ERVFRD-1: variants seen among roughly 807,000 people sequenced by gnomAD.
ERVFRD-1 encodes the protein endogenous retrovirus group FRD member 1, envelope.
A neutral mutation model predicts 43.8 loss-of-function variants in ERVFRD-1; 33 were observed. The ratio of observed to expected loss-of-function variants is 0.75; its 90% CI spans 0.57 to 1.01. ERVFRD-1 has a LOEUF of 1.01. ERVFRD-1 is among the 50% of genes least tolerant of loss of function. ERVFRD-1 has a pLI of 0.00. For synonymous variants in ERVFRD-1, 239 were observed against 244.4 expected (o/e 0.98, Z 0.21); for missense variants, 568 against 658.4 (o/e 0.86, Z 1.50).
In ERVFRD-1 at chr6:11,102,748, G is replaced by C. The variant is rs918471173; in HGVS notation, c.*946C>G. 1 of 152,204 alleles carries C rather than the reference G, an allele frequency of 6.6e-6. No homozygotes were observed. Among genetic ancestry groups the C allele is most frequent in the Non-Finnish European group, 1.5e-5 (1 of 68,044 alleles). 9.4% of individuals were successfully genotyped at this position (152,204 alleles called of 1,614,324 possible). The stretch of plus-strand genomic sequence containing the variant: ...TGCTTGGTGCTGGAACCTAAATGGT[G>C]GAACTGTTACCAGCAGCAAATCCAA... On this transcript the variant is annotated 3_prime_UTR_variant, in exon 2 of 2. Coordinates refer to ENST00000472091, the MANE Select transcript of ERVFRD-1 (RefSeq NM_207582.3).
In ERVFRD-1 at chr6:11,104,886, C is replaced by T. The variant is rs1173102004; in HGVS notation, c.425G>A (p.Ser142Asn). ...KNGTNVGTLP[S>N]TVCNVTFTVD... ...AGTGAAAGTAACATTACAGACTGTA[C>T]TTGGAAGAGTGCCTACATTTGTTCC... Residue 142 changes from serine (S) to asparagine (N), a missense_variant, in exon 2 of 2, where the codon AGT (serine) becomes AAT (asparagine). By Grantham distance (46) the Ser-to-Asn change is conservative. Transcript: ENST00000472091. 9 of 1,614,178 alleles carry T rather than the reference C, an allele frequency of 5.6e-6. No homozygotes were observed. The highest frequency in any genetic ancestry group is 6.8e-6 in the Non-Finnish European group (8 of 1,180,040).
rs1219500607 is a variant in ERVFRD-1 at position 11,104,237 on chromosome 6, G to A, written c.1074C>T (p.Leu358=). 5.8e-6 allele frequency: 9 copies of A among 1,551,542 alleles called. No individual in the cohort carries two copies. The highest frequency in any genetic ancestry group is 2.0e-5 in the Admixed American group (1 of 50,972). Residue 358 remains leucine, a synonymous_variant, in exon 2 of 2, where the codon CTC becomes CTT. Coordinates refer to ENST00000472091, the MANE Select transcript of ERVFRD-1 (RefSeq NM_207582.3). ...TACCAGCTAGAATGCCGAGTCCCGC[G>A]AGAAGGGGAATGAAATGGATTGCCC... ...VRRAIHFIPL[L]AGLGILAGTG...
chr6:11,111,012 G>T (rs186092780), intron 1 of ERVFRD-1, among the ~76,000 whole-genome samples: 164 of 152,326 alleles, frequency 1.1e-3, no homozygotes, highest in Admixed American at 1.4e-3. Flanking sequence ...GGAGCTGACA[G>T]AGCTAAGGTT....
Position 11,103,709 on chromosome 6 carries a change from T to G in ERVFRD-1, c.1602A>C (p.Gln534His). 6.4e-7 allele frequency: 1 copy of G among 1,551,156 alleles called. No homozygotes were observed. Among genetic ancestry groups the G allele is most frequent in the African/African-American group, 1.4e-5 (1 of 73,140 alleles). The change falls in exon 2 of 2, where the codon CAA becomes CAC. Residue 534 changes from glutamine (Q) to histidine (H), a missense_variant. Gln to His is a conservative substitution (Grantham distance 24). Transcript: ENST00000472091. ...GGGGTCCTCCTTAGAAGGGTGACTC[T>G]TGAATATTGCGAGGATGGCGTCCTG... is the stretch of plus-strand genomic sequence containing the variant. ...LSAGRHPRNI[Q>H]ESPF
intron 1 of ERVFRD-1, among the ~76,000 whole-genome samples, chr6:11,106,795 A>C (rs186407072): frequency 6.6e-6 from 1 of 152,278 alleles, no homozygotes; most frequent in African/African-American, 2.4e-5. Context: ...ACTGTGCACT[A>C]TTGTCACCTC....
chr6:11,108,414 C>T (rs1758119765), intron 1 of ERVFRD-1, among the ~76,000 whole-genome samples: 1 of 152,196 alleles, frequency 6.6e-6, no homozygotes, highest in African/African-American at 2.4e-5. Context: ...TGAAGGTCAT[C>T]CAGTTGGGAT....
At position 11,104,689 on chromosome 6, in the gene ERVFRD-1, G is replaced by A. The variant is rs778893236; in HGVS notation, c.622C>T (p.Arg208Trp). ...SSCSTRNFWFRPADYNQCLQI... is the reference protein window; with the variant it reads ...SSCSTRNFWFWPADYNQCLQI... ...AGACATTGGTTATAATCAGCAGGCC[G>A]GAACCAGAAGTTTCGAGTACTGCAT... is the stretch of plus-strand genomic sequence containing the variant. The change falls in exon 2 of 2, where the codon CGG becomes TGG. Residue 208 changes from arginine to tryptophan, a missense_variant. Transcript: ENST00000472091. 8.7e-6 allele frequency: 14 copies of A among 1,614,114 alleles called. No individual in the cohort carries two copies. The highest frequency in any genetic ancestry group is 4.4e-5 in the South Asian group (4 of 91,084).
intron 1 of ERVFRD-1, among the ~76,000 whole-genome samples, chr6:11,106,602 A>G (rs12200932): frequency 0.11 from 17,454 of 152,224 alleles, 1,391 homozygotes; most frequent in Non-Finnish European, 0.18. Context: ...TTTCTTTTCA[A>G]TACCCATGTT....
At position 11,102,587 on chromosome 6, in the gene ERVFRD-1, A is replaced by G. The variant is rs1758011281; in HGVS notation, c.*1107T>C. On this transcript the variant is annotated 3_prime_UTR_variant, in exon 2 of 2. Coordinates refer to ENST00000472091, the MANE Select transcript of ERVFRD-1 (RefSeq NM_207582.3). The stretch of plus-strand genomic sequence containing the variant: ...CTCTACTACAGAGGTACAAGGGGGA[A>G]AATTTTATAAGGTTCCCACAGAAGC... 1 of 152,232 alleles carries G rather than the reference A, an allele frequency of 6.6e-6. No homozygotes were observed. The highest frequency in any genetic ancestry group is 1.5e-5 in the Non-Finnish European group (1 of 68,046). 9.4% of individuals were successfully genotyped at this position (152,232 alleles called of 1,614,324 possible). A position where few individuals can be genotyped will look rare whatever the true frequency, so the allele number is the denominator to read the frequency against.
At chr6:11,110,376 T>C (rs900630788) in intron 1 of ERVFRD-1, among the ~76,000 whole-genome samples, 3 of 152,242 alleles carry the variant, frequency 2.0e-5, no homozygotes, top group African/African-American at 7.2e-5. Context: ...CTTGTCTCCA[T>C]GACCTTATAG....
chr6:11,104,996 C>T lies in ERVFRD-1; in HGVS notation c.315G>A (p.Gln105=). The change falls in exon 2 of 2, where the codon CAG becomes CAA. Residue 105 remains glutamine (Q), a synonymous_variant. Transcript: ENST00000472091. The part of the protein sequence containing the change: ...TVKQDFPDIR[Q]KPPIFGPIFT... ...AGATGGGTCCGAAAATGGGAGGTTT[C>T]TGGCGGATATCAGGGAAATCTTGCT... is the stretch of plus-strand genomic sequence containing the variant. 6.2e-7 allele frequency: 1 copy of T among 1,614,180 alleles called. No individual in the cohort carries two copies. The highest frequency in any genetic ancestry group is 8.5e-7 in the Non-Finnish European group (1 of 1,180,040).
At position 11,104,809 on chromosome 6, in the gene ERVFRD-1, G is replaced by A; in HGVS notation, c.502C>T (p.His168Tyr). 16 of 1,614,194 alleles carry A rather than the reference G, an allele frequency of 9.9e-6. No individual in the cohort carries two copies. The highest frequency in any genetic ancestry group is 1.4e-5 in the Non-Finnish European group (16 of 1,180,028). The change falls in exon 2 of 2, where the codon CAT (histidine) becomes TAT (tyrosine). Residue 168 changes from histidine (H) to tyrosine (Y), a missense_variant. Coordinates refer to ENST00000472091, the MANE Select transcript of ERVFRD-1 (RefSeq NM_207582.3). ...GGAGGTTTGGGGAATCTTGGTTGAT[G>A]GCGGAATTGGTTGTGGGTGTATGTT... ...YQTYTHNQFR[H>Y]QPRFPKPPNI...
At chr6:11,106,852 TATTTA>T (rs889913750) in intron 1 of ERVFRD-1, among the ~76,000 whole-genome samples, 1 of 152,222 alleles carries the variant, frequency 6.6e-6, no homozygotes, top group African/African-American at 2.4e-5. Context: ...TTGAGGCCCA[TATTTA>T]ATTTGAGTAT....
Position 11,105,360 on chromosome 6 carries a change from G to C in ERVFRD-1, c.-50C>G. The C allele has an allele frequency of 1.2e-5, 17 of 1,412,330 alleles. No homozygotes were observed. The highest frequency in any genetic ancestry group is 1.7e-5 in the Non-Finnish European group (17 of 1,020,544). 87.5% of individuals were successfully genotyped at this position (1,412,330 alleles called of 1,614,324 possible). A position where few individuals can be genotyped will look rare whatever the true frequency, so the allele number is the denominator to read the frequency against. Reference sequence around the variant, plus strand: ...AAAACGAGCTGCCAATGGAACTCCTGGTGGTGTACAAGTTAGGGTTAAAAT... The same window carrying C: ...AAAACGAGCTGCCAATGGAACTCCTCGTGGTGTACAAGTTAGGGTTAAAAT... On this transcript the variant is annotated 5_prime_UTR_variant, in exon 2 of 2. Transcript: ENST00000472091.
At chr6:11,106,917 A>G (rs541664453) in intron 1 of ERVFRD-1, among the ~76,000 whole-genome samples, 3 of 152,350 alleles carry the variant, frequency 2.0e-5, no homozygotes, top group Admixed American at 6.5e-5. Context: ...TGTGAGTGTG[A>G]AGAACCAGAA....
chr6:11,105,282 A>G lies in ERVFRD-1; in HGVS notation c.29T>C (p.Leu10Pro), dbSNP rs1000454643. ...GCGGTAGGCTGCTAGTGAAGGCGTG[A>G]GAATGAGAACCAGCAGGAGCAGGCC... Reference protein sequence around the residue: MGLLLLVLILTPSLAAYRHP... With the variant: MGLLLLVLIPTPSLAAYRHP... The change falls in exon 2 of 2, where the codon CTC becomes CCC. Residue 10 changes from leucine (L) to proline (P), a missense_variant. Transcript: ENST00000472091. 1 of 1,613,874 alleles carries G rather than the reference A, an allele frequency of 6.2e-7. No individual in the cohort carries two copies. The highest frequency in any genetic ancestry group is 1.3e-5 in the African/African-American group (1 of 74,926).
intron 1 of ERVFRD-1, among the ~76,000 whole-genome samples, chr6:11,111,134 A>T (rs906870028): frequency 1.3e-5 from 2 of 152,234 alleles, no homozygotes; most frequent in Admixed American, 6.5e-5. Context: ...AAGGGAGTCC[A>T]TCTCTTGGTT....
chr6:11,107,300 C>T (rs1433558523), intron 1 of ERVFRD-1, among the ~76,000 whole-genome samples: 1 of 152,182 alleles, frequency 6.6e-6, no homozygotes, highest in Non-Finnish European at 1.5e-5. Flanking sequence ...AACAACAAGA[C>T]TTGGTACTTT....
Position 11,104,189 on chromosome 6 carries a change from G to T in ERVFRD-1, c.1122C>A (p.Ile374=). The T allele has an allele frequency of 6.4e-7, 1 of 1,551,682 alleles. No homozygotes were observed. Among genetic ancestry groups the T allele is most frequent in the Non-Finnish European group, 8.7e-7 (1 of 1,147,000 alleles). The part of the protein sequence containing the change: ...LAGTGTGIAG[I]TKASLTYSQL... ...GGCTATAGGTGAGGGAAGCTTTTGT[G>T]ATTCCAGCAATTCCGGTTCCCGTAC... is the stretch of plus-strand genomic sequence containing the variant. The change falls in exon 2 of 2, where the codon ATC becomes ATA. Residue 374 remains isoleucine (I), a synonymous_variant. Coordinates refer to ENST00000472091, the MANE Select transcript of ERVFRD-1 (RefSeq NM_207582.3).
Sources: gnomAD v4.1 joint callset for allele counts (sites outside exome capture counted in the v4.1 genomes callset) on GRCh38, gnomAD v4.1.1 for gene constraint, MANE v1.5 for transcripts, NCBI Gene and HGNC (gene_info 2026-07-23, HGNC 2026-07-21) for gene names.